SPRED2: variants seen among roughly 807,000 people sequenced by gnomAD.
SPRED2 encodes the protein sprouty-related, EVH1 domain-containing protein 2.
SPRED2 carries 47 observed loss-of-function variants against 43.0 expected under a neutral mutation model. The ratio of observed to expected loss-of-function variants is 1.09; its 90% CI spans 0.87 to 1.40. The LOEUF is 1.40. SPRED2 is among the 40% of genes most tolerant of loss of function. SPRED2 has a pLI of 0.00. For synonymous variants in SPRED2, 225 were observed against 225.7 expected (o/e 1.00, Z 0.03); for missense variants, 561 against 586.4 (o/e 0.96, Z 0.45).
intron 1 of SPRED2, among the ~76,000 whole-genome samples, chr2:65,382,796 T>G (rs1235311821): frequency 6.6e-6 from 1 of 152,206 alleles, no homozygotes; most frequent in East Asian, 1.9e-4. Context: ...TTTTAGTCAG[T>G]TCGTACAAGC....
intron 1 of SPRED2, among the ~76,000 whole-genome samples, chr2:65,385,741 G>A (rs1369715749): frequency 6.6e-6 from 1 of 152,130 alleles, no homozygotes; most frequent in Admixed American, 6.5e-5. Flanking sequence ...TGGAAATGAT[G>A]ACCTTTTCAG....
chr2:65,402,683 T>A (rs1247699204), intron 1 of SPRED2, among the ~76,000 whole-genome samples: 1 of 152,222 alleles, frequency 6.6e-6, no homozygotes, highest in Non-Finnish European at 1.5e-5. Context: ...AGAGCTCATA[T>A]GGAATCACAG....
intron 5 of SPRED2, among the ~76,000 whole-genome samples, chr2:65,315,992 C>T (rs1673221321): frequency 6.6e-6 from 1 of 152,048 alleles, no homozygotes; most frequent in Admixed American, 6.6e-5. Flanking sequence ...ATTTTAATCC[C>T]AAAATATTAG....
intron 1 of SPRED2, among the ~76,000 whole-genome samples, chr2:65,363,516 G>C (rs1267390869): frequency 1.3e-5 from 2 of 152,154 alleles, no homozygotes; most frequent in Non-Finnish European, 2.9e-5. Context: ...GCTATTTCTA[G>C]ATAATGATAT....
chr2:65,410,455 C>G (rs778010666), intron 1 of SPRED2, among the ~76,000 whole-genome samples: 1 of 152,106 alleles, frequency 6.6e-6, no homozygotes, highest in Non-Finnish European at 1.5e-5. Flanking sequence ...CTTCCACTCA[C>G]TAGGTAAAAA....
Position 65,316,830 on chromosome 2 carries a change from C to T in SPRED2, c.492G>A (p.Arg164=). The T allele has an allele frequency of 6.2e-7, 1 of 1,613,810 alleles. No homozygotes were observed. The change falls in exon 5 of 6, where the codon CGG becomes CGA. Residue 164 remains arginine, a synonymous_variant. Coordinates refer to ENST00000356388, the MANE Select transcript of SPRED2 (RefSeq NM_181784.3). Reference sequence around the variant, plus strand: ...CACAGGATGTGGGAGAGGAGATTGTCCGAGTAGGTTGCTCTCTCTTCTGAG... The same window carrying T: ...CACAGGATGTGGGAGAGGAGATTGTTCGAGTAGGTTGCTCTCTCTTCTGAG... ...NSSQKREQPT[R]TISSPTSCEH...
Position 65,313,468 on chromosome 2 carries a change from C to T in SPRED2, c.*33G>A, listed in dbSNP as rs774136295. On this transcript the variant is annotated 3_prime_UTR_variant, in exon 6 of 6. Coordinates refer to ENST00000356388, the MANE Select transcript of SPRED2 (RefSeq NM_181784.3). ...ATGTAAGAGACGAGTTCCCCTGTGG[C>T]TGCGGATGGAGGGAGAAGGGAGGGA... The T allele has an allele frequency of 1.3e-6, 2 of 1,568,898 alleles. No individual in the cohort carries two copies. Among genetic ancestry groups the T allele is most frequent in the African/African-American group, 2.7e-5 (2 of 73,772 alleles).
At chr2:65,426,267 T>G (rs1014577493) in intron 1 of SPRED2, among the ~76,000 whole-genome samples, 4 of 152,234 alleles carry the variant, frequency 2.6e-5, no homozygotes, top group Non-Finnish European at 5.9e-5. Flanking sequence ...AGGCTCAATG[T>G]GAACATGGTT....
chr2:65,322,882 T>TTATTTTATTAATATTTTATTAA (rs1386060291), intron 4 of SPRED2, among the ~76,000 whole-genome samples: 1 of 152,244 alleles, frequency 6.6e-6, no homozygotes, highest in Non-Finnish European at 1.5e-5. Context: ...TCTTTCACCT[T>TTATTTTATTAATATTTTATTAA]TATTTTATTA....
chr2:65,391,313 A>G (rs1283246541), intron 1 of SPRED2, among the ~76,000 whole-genome samples: 1 of 152,140 alleles, frequency 6.6e-6, no homozygotes, highest in African/African-American at 2.4e-5. Flanking sequence ...TCACCTTAAT[A>G]TAACATAAAA....
chr2:65,354,367 A>G (rs974819999), intron 1 of SPRED2, among the ~76,000 whole-genome samples: 13 of 152,202 alleles, frequency 8.5e-5, no homozygotes, highest in African/African-American at 2.9e-4. Flanking sequence ...ACCTCATAAA[A>G]TGCTGGTTTT....
chr2:65,331,898 A>T, intron 4 of SPRED2, 89 bp downstream of exon 4: 1 of 977,960 alleles, frequency 1.0e-6, no homozygotes, highest in Non-Finnish European at 1.6e-6. Context: ...CAAACACTGC[A>T]TTGCAAAGTG....
chr2:65,310,915 A>G lies in SPRED2; in HGVS notation c.*2586T>C. ...AGCAATGGCTACATTGGTCATACAT[A>G]TTAGAAACCATAAAAAAAAGTTAAG... On this transcript the variant is annotated 3_prime_UTR_variant, in exon 6 of 6. Transcript: ENST00000356388. 1 of 985,040 alleles carries G rather than the reference A, an allele frequency of 1.0e-6. No individual in the cohort carries two copies. The highest frequency in any genetic ancestry group is 1.7e-5 in the African/African-American group (1 of 57,330). 61.0% of individuals were successfully genotyped at this position (985,040 alleles called of 1,614,324 possible).
At chr2:65,428,866 T>C (rs1032982588) in intron 1 of SPRED2, among the ~76,000 whole-genome samples, 8 of 152,248 alleles carry the variant, frequency 5.3e-5, no homozygotes, top group Admixed American at 6.5e-5. Context: ...AAAATAGGTA[T>C]GGATTTAAAA....
At chr2:65,390,489 C>T (rs527459591) in intron 1 of SPRED2, among the ~76,000 whole-genome samples, 2 of 152,194 alleles carry the variant, frequency 1.3e-5, no homozygotes, top group East Asian at 1.9e-4. Context: ...AGGCTGGAGT[C>T]GGGGATCTAC....
Position 65,396,493 on chromosome 2 carries a change from T to G in SPRED2, c.26+35469A>C, listed in dbSNP as rs79846163. Among the ~76,000 whole-genome samples, 155 of 152,368 alleles carry G rather than the reference T, an allele frequency of 1.0e-3. 3 individuals are homozygous for G. The highest frequency in any genetic ancestry group is 3.5e-3 in the African/African-American group (145 of 41,588). On this transcript the variant is annotated intron_variant, in intron 1 of 5. Transcript: ENST00000356388. ...ATTCATCTTTGAGTTCTCCACACGGTCCTGCATATAGCAGAAACTTGGTAA... is the reference window on the plus strand; with the variant it reads ...ATTCATCTTTGAGTTCTCCACACGGGCCTGCATATAGCAGAAACTTGGTAA...
At chr2:65,383,795 C>T (rs1305661045) in intron 1 of SPRED2, among the ~76,000 whole-genome samples, 8 of 152,156 alleles carry the variant, frequency 5.3e-5, no homozygotes, top group African/African-American at 1.9e-4. Context: ...AGATTAATAA[C>T]CCATGGAACT....
downstream of SPRED2, among the ~76,000 whole-genome samples, chr2:65,307,856 C>T (rs761455112): frequency 3.9e-5 from 6 of 152,054 alleles, no homozygotes; most frequent in Non-Finnish European, 7.4e-5. Flanking sequence ...GTTTTTCTAA[C>T]CATCTCACCC....
chr2:65,423,722 A>G (rs557107923), intron 1 of SPRED2, among the ~76,000 whole-genome samples: 2 of 151,830 alleles, frequency 1.3e-5, no homozygotes, highest in East Asian at 1.9e-4. Flanking sequence ...CTGAATCTCA[A>G]TTTCTCAGGT....
Sources: gnomAD v4.1 joint callset for allele counts (sites outside exome capture counted in the v4.1 genomes callset) on GRCh38, gnomAD v4.1.1 for gene constraint, MANE v1.5 for transcripts, NCBI Gene and HGNC (gene_info 2026-07-23, HGNC 2026-07-21) for gene names.